LZTR1: variants seen among roughly 807,000 people sequenced by gnomAD.
The protein encoded by LZTR1 is leucine-zipper-like transcriptional regulator 1.
In LZTR1, 260 loss-of-function variants were observed where a neutral mutation model predicts 105.7. The observed-to-expected ratio is 2.46, with a 90% CI of 2.22 to 2.72. The LOEUF (loss-of-function observed/expected upper bound fraction) is 2.72, where lower values mean the gene tolerates loss of function less well. Among genes scored for constraint, LZTR1 ranks in the 30% most tolerant of loss-of-function variants. The pLI, the probability that LZTR1 is intolerant of heterozygous loss-of-function variation, is 0.00. For synonymous variants in LZTR1, 490 were observed against 476.4 expected, an observed-to-expected ratio of 1.03 and a Z score of -0.37; for missense variants, 1,214 against 1,166.9, an observed-to-expected ratio of 1.04 and a Z score of -0.59.
chr22:20,994,961 T>A lies in LZTR1; in HGVS notation c.1877T>A (p.Val626Glu). ...EFERLSSPLI[V>E]EIVRRKQQPP... ...GAGCGCCTCTCCTCTCCACTGATAG[T>A]GGAGATTGTGCGGCGGAAGCAGCAG... The change falls in exon 16 of 21, where the codon GTG (valine) becomes GAG (glutamate). Residue 626 changes from valine to glutamate, a missense_variant. Transcript: ENST00000646124. 6.2e-7 allele frequency: 1 copy of A among 1,613,248 alleles called. No homozygotes were observed. Among genetic ancestry groups the A allele is most frequent in the Non-Finnish European group, 8.5e-7 (1 of 1,179,980 alleles).
Position 20,991,833 on chromosome 22 carries a change from A to T in LZTR1, c.993+4A>T. 6.5e-7 allele frequency: 1 copy of T among 1,547,518 alleles called. No homozygotes were observed. The highest frequency in any genetic ancestry group is 8.7e-7 in the Non-Finnish European group (1 of 1,145,778). The stretch of plus-strand genomic sequence containing the variant: ...CCAGCCCAGCTCCGACAGCGAGGTG[A>T]GGGTGCCCAGGGGTGTCCTGACCTG... On this transcript the variant is annotated splice_donor_region_variant and intron_variant, in intron 9 of 20. Coordinates refer to ENST00000646124, the MANE Select transcript of LZTR1 (RefSeq NM_006767.4).
At position 20,994,716 on chromosome 22, in the gene LZTR1, A is replaced by G. The variant is rs778533939; in HGVS notation, c.1774A>G (p.Ser592Gly). 3.7e-6 allele frequency: 6 copies of G among 1,611,372 alleles called. No homozygotes were observed. The change falls in exon 15 of 21, where the codon AGC (serine) becomes GGC (glycine). Residue 592 changes from serine (S) to glycine (G), a missense_variant. Transcript: ENST00000646124. ...CGAGAGTGCCGCCCGGCTGCAGCTG[A>G]GCCAACTCAAGGTGTGGGGTGGGGT... The part of the protein sequence containing the change: ...VCESAARLQL[S>G]QLKEHCLNFV...
intron 16 of LZTR1, chr22:20,995,533 G>T: frequency 2.8e-6 from 2 of 724,622 alleles, no homozygotes; most frequent in Non-Finnish European, 2.5e-6. Context: ...ACGCTGGGTG[G>T]TGGGCTGTGC....
rs1924819890 is a variant in LZTR1 at position 20,995,841 on chromosome 22, G to C, written c.2038G>C (p.Ala680Pro). 1.2e-6 allele frequency: 2 copies of C among 1,613,214 alleles called. No individual in the cohort carries two copies. The highest frequency in any genetic ancestry group is 1.7e-6 in the Non-Finnish European group (2 of 1,179,986). The change falls in exon 17 of 21, where the codon GCC (alanine) becomes CCC (proline). Residue 680 changes from alanine to proline, a missense_variant. By Grantham distance (27) the Ala-to-Pro change is conservative. Coordinates refer to ENST00000646124, the MANE Select transcript of LZTR1 (RefSeq NM_006767.4). Reference sequence around the variant, plus strand: ...GTTGCTTGACGGGCACCCACGGCCAGCCCACAAGGCTATCCTGGCCGCCCG... The same window carrying C: ...GTTGCTTGACGGGCACCCACGGCCACCCCACAAGGCTATCCTGGCCGCCCG... ...TLLLDGHPRP[A>P]HKAILAARSS...
chr22:20,985,736 C>T lies in LZTR1; in HGVS notation c.264-105C>T, dbSNP rs2266958. The T allele has an allele frequency of 9.1e-4, 959 of 1,055,014 alleles. 15 individuals carry two copies. The East Asian group carries it at 0.02, about 22-fold the overall frequency. 65.4% of individuals were successfully genotyped at this position (1,055,014 alleles called of 1,614,324 possible). A position where few individuals can be genotyped will look rare whatever the true frequency, so the allele number is the denominator to read the frequency against. On this transcript the variant is annotated intron_variant, in intron 2 of 20. Coordinates refer to ENST00000646124, the MANE Select transcript of LZTR1 (RefSeq NM_006767.4). ...TGCCTGGCTGTGTTAGTGACCCAGC[C>T]CACAACAGCCCCCTACTCTACCCTG...
rs544140578 is a variant in LZTR1 at position 20,993,759 on chromosome 22, G to A, written c.1353+5G>A. 4.3e-6 allele frequency: 7 copies of A among 1,611,508 alleles called. No individual in the cohort carries two copies. The highest frequency in any genetic ancestry group is 2.2e-5 in the East Asian group (1 of 44,832). On this transcript the variant is annotated splice_donor_5th_base_variant and intron_variant, in intron 12 of 20. Coordinates refer to ENST00000646124, the MANE Select transcript of LZTR1 (RefSeq NM_006767.4). ...GTGGAGTTCGTGCTGGGTGAGGTGG[G>A]TGCCTGTCCTCGCACCCTGCTCTGC...
chr22:20,996,107 C>CT lies in LZTR1; in HGVS notation c.2215dup (p.Ser739PhefsTer43). On this transcript the variant is annotated frameshift_variant, in exon 18 of 21. Coordinates refer to ENST00000646124, the MANE Select transcript of LZTR1 (RefSeq NM_006767.4). LOFTEE classifies it high-confidence loss of function. ...GCGAGGTCAACATGCCGCCCGAGGA[C>CT]TCGCTGCATCCTCACTCCCCAGTGA... 1 of 1,612,182 alleles carries CT rather than the reference C, an allele frequency of 6.2e-7. No homozygotes were observed. Among genetic ancestry groups the CT allele is most frequent in the Non-Finnish European group, 8.5e-7 (1 of 1,179,856 alleles).
At chr22:20,986,140 T>C (rs1039833682) in intron 3 of LZTR1, 2 of 532,068 alleles carry the variant, frequency 3.8e-6, no homozygotes, top group Non-Finnish European at 6.7e-6. Context: ...CCTTCTGGGC[T>C]GTCCACCTCT....
At chr22:20,984,964 C>T (rs1186036525) in intron 2 of LZTR1, among the ~76,000 whole-genome samples, 1 of 152,122 alleles carries the variant, frequency 6.6e-6, no homozygotes, top group Non-Finnish European at 1.5e-5. Flanking sequence ...TGGCTCACAC[C>T]TGTAATCCCA....
At position 20,987,549 on chromosome 22, in the gene LZTR1, G is replaced by A. The variant is rs367767120; in HGVS notation, c.366G>A (p.Ser122=). 121 of 1,613,942 alleles carry A rather than the reference G, an allele frequency of 7.5e-5. No homozygotes were observed. Among genetic ancestry groups the A allele is most frequent in the South Asian group, 4.1e-4 (37 of 91,074 alleles). ...CACCGGCCCCCCGTTACCACCACTCGGCCGTCGTCTATGGGAGCAGCATGT... is the reference window on the plus strand; with the variant it reads ...CACCGGCCCCCCGTTACCACCACTCAGCCGTCGTCTATGGGAGCAGCATGT... ...GTPPAPRYHH[S]AVVYGSSMFV... Residue 122 remains serine, a synonymous_variant, in exon 4 of 21, where the codon TCG becomes TCA. Transcript: ENST00000646124.
chr22:20,988,983 T>C lies in LZTR1; in HGVS notation c.593+111T>C, dbSNP rs12166400. On this transcript the variant is annotated intron_variant, in intron 6 of 20. Coordinates refer to ENST00000646124, the MANE Select transcript of LZTR1 (RefSeq NM_006767.4). Reference sequence around the variant, plus strand: ...GGGAGGATTTTGAGTGCCTGGTGGATTTTGAGTGCCACTCTGTCTGGGGGT... The same window carrying C: ...GGGAGGATTTTGAGTGCCTGGTGGACTTTGAGTGCCACTCTGTCTGGGGGT... The C allele has an allele frequency of 2.3e-4, 211 of 910,846 alleles. No homozygotes were observed. In the African/African-American group the frequency reaches 2.8e-3, roughly 12 times the overall value. 56.4% of individuals were successfully genotyped at this position (910,846 alleles called of 1,614,324 possible). A position where few individuals can be genotyped will look rare whatever the true frequency, so the allele number is the denominator to read the frequency against.
At position 20,994,989 on chromosome 22, in the gene LZTR1, G is replaced by A. The variant is rs371155706; in HGVS notation, c.1905G>A (p.Pro635=). 50 of 1,612,714 alleles carry A rather than the reference G, an allele frequency of 3.1e-5. No homozygotes were observed. The highest frequency in any genetic ancestry group is 3.8e-5 in the Non-Finnish European group (45 of 1,179,946). The part of the protein sequence containing the change: ...IVEIVRRKQQ[P]PPRTPLDQPV... ...AGATTGTGCGGCGGAAGCAGCAGCC[G>A]CCCCCTCGCACTCCCTTGGACCAGC... The change falls in exon 16 of 21, where the codon CCG becomes CCA. Residue 635 remains proline (P), a synonymous_variant. Coordinates refer to ENST00000646124, the MANE Select transcript of LZTR1 (RefSeq NM_006767.4).
chr22:20,992,460 G>C, intron 10 of LZTR1, 91 bp downstream of exon 10: 1 of 1,355,616 alleles, frequency 7.4e-7, no homozygotes, highest in Non-Finnish European at 1.0e-6. Context: ...CTGAGGCCCC[G>C]AGAAATACTT....
Position 20,992,280 on chromosome 22 carries a change from G to T in LZTR1, c.1060G>T (p.Glu354Ter), listed in dbSNP as rs1428031313. The T allele has an allele frequency of 3.7e-6, 6 of 1,614,030 alleles. No individual in the cohort carries two copies. The highest frequency in any genetic ancestry group is 2.2e-5 in the East Asian group (1 of 44,878). The change falls in exon 10 of 21, where the codon GAG becomes TAG. Residue 354 changes from glutamate (E) to a stop codon, truncating the protein, a stop_gained. Transcript: ENST00000646124. LOFTEE classifies it high-confidence loss of function. ...GGAGGTGCCCACCCTGACCTATGAG[G>T]AGCGGGTTGGCTTCAAGAAGTCCCG... ...SEEVPTLTYE[E>*]RVGFKKSRDV... is the part of the protein sequence containing the mutation.
At chr22:20,985,319 C>T (rs552703596) in intron 2 of LZTR1, among the ~76,000 whole-genome samples, 100 of 152,250 alleles carry the variant, frequency 6.6e-4, no homozygotes, top group South Asian at 5.2e-3. Context: ...CTAGGCTTCC[C>T]AAAGTGCTGG....
rs1207071350 is a variant in LZTR1, at chr22:20,996,629, CCT to C, written c.2220-66_2220-65del. The stretch of plus-strand genomic sequence containing the variant: ...GCTTGGGGCTCCAGCTGCGCCCTTC[CCT>C]GTCCTTCCCTGGGAGGGTGCGGGCG... On this transcript the variant is annotated intron_variant, in intron 18 of 20. Coordinates refer to ENST00000646124, the MANE Select transcript of LZTR1 (RefSeq NM_006767.4). The C allele has an allele frequency of 2.9e-6, 4 of 1,381,180 alleles. No homozygotes were observed. In the Middle Eastern group the frequency reaches 5.3e-4, roughly 183 times the overall value. The allele number at this position is 1,381,180 out of a possible 1,614,324, so 85.6% of individuals were successfully genotyped here.
Position 20,984,620 on chromosome 22 carries a change from G to GT in LZTR1, c.264-1221_264-1220insT, listed in dbSNP as rs1388219144. ...CACGTGGGGCAAGTAAGGAGGGGGG[G>GT]GGGGCGGTATCACAATCACCACCAG... On this transcript the variant is annotated intron_variant, in intron 2 of 20. Transcript: ENST00000646124. 6.0e-5 allele frequency among the ~76,000 whole-genome samples: 9 copies of GT among 149,204 alleles called. No individual in the cohort carries two copies. The South Asian group carries it at 1.3e-3, about 21-fold the overall frequency.
rs1290087666 is a variant in LZTR1 at position 20,996,885 on chromosome 22, G to A, written c.2326-1G>A. On this transcript the variant is annotated splice_acceptor_variant, in intron 19 of 20. Transcript: ENST00000646124. LOFTEE classifies it high-confidence loss of function. ...GCGCCTCAAGGTCCCTGCCATTGCA[G>A]ATCCTGGAGGCAGCTGACAAAACGC... The A allele has an allele frequency of 3.7e-6, 6 of 1,612,140 alleles. No homozygotes were observed. The highest frequency in any genetic ancestry group is 1.1e-5 in the South Asian group (1 of 91,042).
In LZTR1 at chr22:20,994,584, A is replaced by G. The variant is rs768130687; in HGVS notation, c.1642A>G (p.Met548Val). Residue 548 changes from methionine (M) to valine (V), a missense_variant, in exon 15 of 21, where the codon ATG (methionine) becomes GTG (valine). Physicochemically the swap from Met to Val is conservative, Grantham distance 21. Coordinates refer to ENST00000646124, the MANE Select transcript of LZTR1 (RefSeq NM_006767.4). ...CCATGTGGAGGATGTGCTGCTCATC[A>G]TGGATGTGTACAAACTGGCACTGAG... Reference protein sequence around the residue: ...KGHVEDVLLIMDVYKLALSFQ... With the variant: ...KGHVEDVLLIVDVYKLALSFQ... 2 of 1,611,786 alleles carry G rather than the reference A, an allele frequency of 1.2e-6. No homozygotes were observed. The highest frequency in any genetic ancestry group is 1.3e-5 in the African/African-American group (1 of 75,046).
Sources: allele counts gnomAD v4.1 joint callset (sites outside exome capture counted in the v4.1 genomes callset), GRCh38; gene constraint gnomAD v4.1.1; transcripts MANE v1.5; gene names NCBI Gene and HGNC (gene_info 2026-07-23, HGNC 2026-07-21).